Variants in CNTNAP5 observed in about 807,000 individuals in gnomAD.
CNTNAP5 encodes the protein contactin-associated protein-like 5.
Under a neutral mutation model 150.2 loss-of-function variants are expected in CNTNAP5, and 72 were observed. The ratio of observed to expected loss-of-function variants is 0.48; its 90% confidence interval spans 0.40 to 0.58. The LOEUF is 0.58. Ranked by LOEUF, CNTNAP5 falls within the 20% of genes least tolerant of loss-of-function variation. CNTNAP5 has a pLI of 0.00. For synonymous variants in CNTNAP5, 672 were observed against 619.8 expected, an observed-to-expected ratio of 1.08 and a Z score of -1.25; for missense variants, 1,636 against 1,626.2, an observed-to-expected ratio of 1.01 and a Z score of -0.10.
At chr2:124,559,226 A>G (rs954894482) in intron 10 of CNTNAP5, among the ~76,000 whole-genome samples, 4 of 152,140 alleles carry the variant, frequency 2.6e-5, no homozygotes, top group Non-Finnish European at 4.4e-5. Context: ...AGAATTTTTT[A>G]TTTGGATAAA....
chr2:124,836,613 G>T (rs1682834750), intron 19 of CNTNAP5, among the ~76,000 whole-genome samples: 1 of 152,096 alleles, frequency 6.6e-6, no homozygotes, highest in South Asian at 2.1e-4. Context: ...GTGAATGTGT[G>T]CTGTGGTCTA....
Position 124,773,062 on chromosome 2 carries a change from T to A in CNTNAP5, c.2752+45T>A, listed in dbSNP as rs1338635734. On this transcript the variant is annotated intron_variant, in intron 17 of 23. Transcript: ENST00000682447. The stretch of plus-strand genomic sequence containing the variant: ...TCCTTTTGTGCTAAACCCTGCAAGA[T>A]CACTGTGTGACCATGCCCAAGAAAA... 2.7e-6 allele frequency: 4 copies of A among 1,493,724 alleles called. No individual in the cohort carries two copies. The East Asian group carries it at 9.0e-5, about 34-fold the overall frequency. 92.5% of individuals were successfully genotyped at this position (1,493,724 alleles called of 1,614,324 possible).
At chr2:124,493,704 T>C (rs1403206831) in intron 7 of CNTNAP5, among the ~76,000 whole-genome samples, 2 of 152,084 alleles carry the variant, frequency 1.3e-5, no homozygotes, top group Admixed American at 1.3e-4. Context: ...TCCTATGTTA[T>C]AAATATTACT....
At chr2:124,257,200 T>C (rs1449484729) in intron 3 of CNTNAP5, among the ~76,000 whole-genome samples, 1 of 152,188 alleles carries the variant, frequency 6.6e-6, no homozygotes, top group African/African-American at 2.4e-5. Flanking sequence ...AATTTTCTTT[T>C]GCAAATCCCC....
At chr2:124,175,747 G>T (rs1173995445) in intron 1 of CNTNAP5, among the ~76,000 whole-genome samples, 1 of 152,178 alleles carries the variant, frequency 6.6e-6, no homozygotes, top group Non-Finnish European at 1.5e-5. Context: ...CCATGTTGCT[G>T]CAGAGGACAT....
At chr2:124,095,499 CTTAAAG>C (rs1396733366) in intron 1 of CNTNAP5, among the ~76,000 whole-genome samples, 1 of 152,084 alleles carries the variant, frequency 6.6e-6, no homozygotes, top group Non-Finnish European at 1.5e-5. Context: ...TATCCCAGAA[CTTAAAG>C]TTAAAAAAAA....
At chr2:124,145,835 A>AAAAAAAAAAAAAAAAAAG (rs1684235103) in intron 1 of CNTNAP5, among the ~76,000 whole-genome samples, 1 of 49,798 alleles carries the variant, frequency 2.0e-5, no homozygotes, top group Admixed American at 2.9e-4. Context: ...AAAAGAAGAA[A>AAAAAAAAAAAAAAAAAAG]AAAAAAAAAA....
chr2:124,420,394 C>T (rs1157310963), intron 4 of CNTNAP5, among the ~76,000 whole-genome samples: 1 of 152,130 alleles, frequency 6.6e-6, no homozygotes, highest in Non-Finnish European at 1.5e-5. Flanking sequence ...TTTTCCTCCT[C>T]TCTCCTGTTC....
intron 1 of CNTNAP5, among the ~76,000 whole-genome samples, chr2:124,101,606 G>T (rs964062985): frequency 2.0e-5 from 3 of 152,152 alleles, no homozygotes; most frequent in African/African-American, 7.2e-5. Flanking sequence ...CCAGAGGTAG[G>T]CAGTAAAGAG....
At chr2:124,768,658 G>T (rs920595595) in intron 16 of CNTNAP5, among the ~76,000 whole-genome samples, 3 of 152,060 alleles carry the variant, frequency 2.0e-5, no homozygotes, top group African/African-American at 7.2e-5. Context: ...GAGGGGAAGT[G>T]GCAAGCCCTG....
At chr2:124,561,926 G>A (rs942809883) in intron 10 of CNTNAP5, among the ~76,000 whole-genome samples, 1 of 151,710 alleles carries the variant, frequency 6.6e-6, no homozygotes, top group African/African-American at 2.4e-5. Flanking sequence ...TTAAATTCGC[G>A]GAATTTATTT....
chr2:124,376,211 C>T (rs1054791300), intron 3 of CNTNAP5, among the ~76,000 whole-genome samples: 16 of 152,038 alleles, frequency 1.1e-4, no homozygotes, highest in South Asian at 4.1e-4. Context: ...TGAATTCAGG[C>T]GAAATAAAAT....
At chr2:124,476,958 G>T (rs1052377475) in intron 7 of CNTNAP5, among the ~76,000 whole-genome samples, 5 of 152,042 alleles carry the variant, frequency 3.3e-5, no homozygotes, top group Non-Finnish European at 7.4e-5. Context: ...AACAGATCAG[G>T]TTAAGAGAAA....
At chr2:124,396,577 A>G (rs935776913) in intron 3 of CNTNAP5, among the ~76,000 whole-genome samples, 1 of 152,302 alleles carries the variant, frequency 6.6e-6, no homozygotes, top group South Asian at 2.1e-4. Context: ...CTTTGTAAAC[A>G]ATTTATCAAA....
At chr2:124,504,922 G>A (rs111463862) in intron 8 of CNTNAP5, among the ~76,000 whole-genome samples, 3,210 of 151,946 alleles carry the variant, frequency 0.021, 111 homozygotes, top group African/African-American at 0.071. Context: ...TGGCCAGGAT[G>A]GTCTGCATCT....
intron 19 of CNTNAP5, among the ~76,000 whole-genome samples, chr2:124,855,166 G>GTTTTT (rs1558801475): frequency 1.3e-5 from 1 of 77,496 alleles, no homozygotes; most frequent in African/African-American, 4.5e-5. Flanking sequence ...TTGGGCTTTT[G>GTTTTT]CTTTTTTTTT....
intron 8 of CNTNAP5, among the ~76,000 whole-genome samples, chr2:124,505,623 G>A (rs555255968): frequency 4.6e-5 from 7 of 152,134 alleles, no homozygotes; most frequent in South Asian, 2.1e-4. Flanking sequence ...ACAGCAGGTC[G>A]GTGAACAAAT....
chr2:124,102,825 C>T (rs1323859665), intron 1 of CNTNAP5, among the ~76,000 whole-genome samples: 1 of 152,162 alleles, frequency 6.6e-6, no homozygotes, highest in Non-Finnish European at 1.5e-5. Flanking sequence ...TGAGCTGAAT[C>T]AGGTAAAGCA....
At chr2:124,366,535 G>T (rs1165898192) in intron 3 of CNTNAP5, among the ~76,000 whole-genome samples, 2 of 152,136 alleles carry the variant, frequency 1.3e-5, no homozygotes, top group African/African-American at 4.8e-5. Context: ...TACCAAGTCT[G>T]TGTCCTCAGG....
Sources: gnomAD v4.1 joint callset for allele counts (sites outside exome capture counted in the v4.1 genomes callset) on GRCh38, gnomAD v4.1.1 for gene constraint, MANE v1.5 for transcripts, NCBI Gene and HGNC (gene_info 2026-07-23, HGNC 2026-07-21) for gene names.